The following FAM151B variants were observed in gnomAD, a reference collection of about 807,000 sequenced individuals.
FAM151B encodes family with sequence similarity 151 member B, also known as protein FAM151B.
Under a neutral mutation model 31.2 loss-of-function variants are expected in FAM151B, and 24 were observed. The ratio of observed to expected loss-of-function variants is 0.77; its 90% CI spans 0.56 to 1.08. FAM151B has a LOEUF of 1.08. Ranked by LOEUF, FAM151B falls within the 50% of genes least tolerant of loss-of-function variation. FAM151B has a pLI of 0.00. For missense variants in FAM151B, 293 were observed against 328.6 expected (o/e 0.89, Z 0.84); for synonymous variants, 105 against 111.4 (o/e 0.94, Z 0.36).
In FAM151B at chr5:80,541,817, C is replaced by A. The variant is rs1474197117; in HGVS notation, c.816C>A (p.Ile272=). 1 of 1,611,850 alleles carries A rather than the reference C, an allele frequency of 6.2e-7. No individual in the cohort carries two copies. The highest frequency in any genetic ancestry group is 8.5e-7 in the Non-Finnish European group (1 of 1,179,282). ...QNHEFKQAIG[I]KVNL Reference sequence around the variant, plus strand: ...ATGAATTTAAACAAGCCATTGGAATCAAAGTTAATCTCTAAGAAGAAGATT... The same window carrying A: ...ATGAATTTAAACAAGCCATTGGAATAAAAGTTAATCTCTAAGAAGAAGATT... The change falls in exon 6 of 6, where the codon ATC becomes ATA. Residue 272 remains isoleucine (I), a synonymous_variant. Coordinates refer to ENST00000282226, the MANE Select transcript of FAM151B (RefSeq NM_205548.3).
intron 1 of FAM151B, among the ~76,000 whole-genome samples, chr5:80,491,782 G>A (rs187547935): frequency 3.3e-5 from 5 of 152,162 alleles, no homozygotes; most frequent in East Asian, 3.9e-4. Context: ...AGGTTTCTTC[G>A]TTTGTCGAAG....
rs755576690 is a variant in FAM151B at position 80,519,684 on chromosome 5, T to C, written c.318-9T>C. The C allele has an allele frequency of 1.1e-5, 18 of 1,610,432 alleles. No homozygotes were observed. The East Asian group carries it at 3.6e-4, about 32-fold the overall frequency. On this transcript the variant is annotated splice_polypyrimidine_tract_variant and intron_variant, in intron 3 of 5. Transcript: ENST00000282226. ...AATCTATCTCATTGACAACAAATTATGTTTTTAGTCTGGCAGTTGTAGAAC... is the reference window on the plus strand; with the variant it reads ...AATCTATCTCATTGACAACAAATTACGTTTTTAGTCTGGCAGTTGTAGAAC...
At chr5:80,500,677 A>G (rs1452964403) in intron 1 of FAM151B, 15 of 781,954 alleles carry the variant, frequency 1.9e-5, no homozygotes, top group South Asian at 2.7e-5. Context: ...GCCTTCATCA[A>G]ATCTTCAGTG....
At chr5:80,516,136 C>T (rs547082987) in intron 3 of FAM151B, among the ~76,000 whole-genome samples, 1 of 152,240 alleles carries the variant, frequency 6.6e-6, no homozygotes, top group Non-Finnish European at 1.5e-5. Context: ...ACCAGCCTGA[C>T]CAACATGGAG....
chr5:80,541,024 T>C (rs1269767985), intron 5 of FAM151B, among the ~76,000 whole-genome samples: 3 of 152,250 alleles, frequency 2.0e-5, no homozygotes, highest in African/African-American at 7.2e-5. Context: ...ACAGTAGTAG[T>C]GTCACCAGAA....
At chr5:80,505,219 C>T (rs1207593444) in intron 2 of FAM151B, among the ~76,000 whole-genome samples, 45 of 151,858 alleles carry the variant, frequency 3.0e-4, no homozygotes, top group Non-Finnish European at 4.4e-5. Context: ...GAGTCTGGTC[C>T]CAAACTCCTG....
At chr5:80,517,021 C>T (rs913284322) in intron 3 of FAM151B, among the ~76,000 whole-genome samples, 6 of 152,146 alleles carry the variant, frequency 3.9e-5, no homozygotes, top group Non-Finnish European at 5.9e-5. Context: ...CTCATCCCTT[C>T]CCTTCGTCCA....
chr5:80,509,213 A>G (rs1744094496), intron 2 of FAM151B, among the ~76,000 whole-genome samples: 1 of 151,736 alleles, frequency 6.6e-6, no homozygotes, highest in African/African-American at 2.4e-5. Flanking sequence ...TCCTATGCTC[A>G]AGTGATCCTC....
At chr5:80,523,597 G>A (rs1429182589) in intron 5 of FAM151B, among the ~76,000 whole-genome samples, 1 of 152,068 alleles carries the variant, frequency 6.6e-6, no homozygotes, top group Non-Finnish European at 1.5e-5. Context: ...AGACACTGTT[G>A]AATAAATTAT....
chr5:80,501,492 A>C, intron 1 of FAM151B: 1 of 377,140 alleles, frequency 2.7e-6, no homozygotes, highest in Non-Finnish European at 4.7e-6. Context: ...AAAAAGATGA[A>C]CAAGTCAAGA....
At chr5:80,494,459 T>TTTCTTTC (rs1561359146) in intron 1 of FAM151B, among the ~76,000 whole-genome samples, 2 of 42,080 alleles carry the variant, frequency 4.8e-5, no homozygotes, top group East Asian at 5.8e-4. Context: ...TTCTTTCTTT[T>TTTCTTTC]CTTTCTTTCT....
At chr5:80,541,557 T>C in intron 5 of FAM151B, 116 bp from the exon 6 acceptor site, 1 of 927,496 alleles carries the variant, frequency 1.1e-6, no homozygotes, top group Non-Finnish European at 1.7e-6. Flanking sequence ...GCTGATTAAT[T>C]TTTTCATCTG....
intron 1 of FAM151B, among the ~76,000 whole-genome samples, chr5:80,494,460 C>CT (rs56167626): frequency 0.21 from 14,596 of 69,340 alleles, 1,157 homozygotes; most frequent in Non-Finnish European, 0.24. Flanking sequence ...TCTTTCTTTT[C>CT]TTTCTTTCTT....
chr5:80,494,456 T>TTTCTTTCTTTTCTTTTCTTTCTTTC (rs753640131), intron 1 of FAM151B, among the ~76,000 whole-genome samples: 13 of 82,688 alleles, frequency 1.6e-4, no homozygotes, highest in African/African-American at 5.3e-4. Flanking sequence ...TCTTTCTTTC[T>TTTCTTTCTTTTCTTTTCTTTCTTTC]TTTCTTTCTT....
chr5:80,505,463 C>T (rs1477092324), intron 2 of FAM151B, among the ~76,000 whole-genome samples: 7 of 150,878 alleles, frequency 4.6e-5, no homozygotes, highest in Non-Finnish European at 7.4e-5. Flanking sequence ...GGCACGATCT[C>T]GGCTCACTGC....
chr5:80,521,262 C>T (rs1744704111), intron 4 of FAM151B, among the ~76,000 whole-genome samples: 2 of 150,800 alleles, frequency 1.3e-5, no homozygotes, highest in Non-Finnish European at 1.5e-5. Context: ...GTAGCTGAGA[C>T]CACAGGCATA....
chr5:80,538,442 TTCTTTCTC>T, intron 5 of FAM151B, among the ~76,000 whole-genome samples: 1 of 56,670 alleles, frequency 1.8e-5, no homozygotes, highest in African/African-American at 8.6e-5. Flanking sequence ...CTTTCTTTCT[TTCTTTCTC>T]TTTCTTTCTT....
chr5:80,536,422 C>T (rs1400220606), intron 5 of FAM151B, among the ~76,000 whole-genome samples: 1 of 152,054 alleles, frequency 6.6e-6, no homozygotes, highest in African/African-American at 2.4e-5. Flanking sequence ...GCTGTCTGCC[C>T]ACCTTGGCCT....
At chr5:80,489,322 ATGTGAAC>A (rs967541310) in intron 1 of FAM151B, among the ~76,000 whole-genome samples, 6 of 152,166 alleles carry the variant, frequency 3.9e-5, no homozygotes, top group African/African-American at 1.4e-4. Flanking sequence ...GGATCAAAGG[ATGTGAAC>A]TTTTTTCTCT....
Sources: gnomAD v4.1 joint callset for allele counts (sites outside exome capture counted in the v4.1 genomes callset) on GRCh38, gnomAD v4.1.1 for gene constraint, MANE v1.5 for transcripts, NCBI Gene and HGNC (gene_info 2026-07-23, HGNC 2026-07-21) for gene names.